PAXIP1: variants seen among roughly 807,000 people sequenced by gnomAD.
The protein encoded by PAXIP1 is PAX interacting protein 1, also known as PAX-interacting protein 1.
PAXIP1 carries 19 observed loss-of-function variants against 140.6 expected under a neutral mutation model. The ratio of observed to expected loss-of-function variants is 0.14; its 90% CI spans 0.09 to 0.20. PAXIP1 has a LOEUF of 0.20. Ranked by LOEUF, PAXIP1 falls within the 10% of genes least tolerant of loss-of-function variation. The pLI, the probability that PAXIP1 is intolerant of heterozygous loss-of-function variation, is 1.00. For synonymous variants in PAXIP1, 442 were observed against 444.6 expected (o/e 0.99, Z 0.07); for missense variants, 920 against 1,208.6 (o/e 0.76, Z 3.54).
At chr7:154,965,814 A>G (rs1247790630) in intron 8 of PAXIP1, 2 of 152,242 alleles carry the variant, frequency 1.3e-5, no homozygotes, top group South Asian at 4.1e-4. Context: ...TTCGGGAATC[A>G]AAAGTGATGT....
chr7:154,957,881 G>T (rs1157566325), intron 13 of PAXIP1, among the ~76,000 whole-genome samples: 1 of 151,064 alleles, frequency 6.6e-6, no homozygotes, highest in African/African-American at 2.4e-5. Flanking sequence ...GCAGGAGAAT[G>T]GCGTGAACCC....
At chr7:154,988,580 A>C (rs191925586) in intron 4 of PAXIP1, among the ~76,000 whole-genome samples, 16 of 152,284 alleles carry the variant, frequency 1.1e-4, no homozygotes, top group African/African-American at 3.1e-4. Flanking sequence ...GAAACCCTAT[A>C]ATCATCTTAT....
At chr7:154,999,574 G>C (rs964257233) in intron 1 of PAXIP1, among the ~76,000 whole-genome samples, 8 of 152,198 alleles carry the variant, frequency 5.3e-5, no homozygotes, top group African/African-American at 1.4e-4. Flanking sequence ...AGATGTGAGA[G>C]AATCGGCAAG....
chr7:154,977,716 G>A (rs186088572), intron 5 of PAXIP1, among the ~76,000 whole-genome samples: 6 of 151,990 alleles, frequency 3.9e-5, no homozygotes, highest in Admixed American at 3.9e-4. Flanking sequence ...ACATTTTTAG[G>A]GTATAGTTTA....
chr7:154,980,357 C>T (rs1293952977), intron 5 of PAXIP1, among the ~76,000 whole-genome samples: 8 of 151,134 alleles, frequency 5.3e-5, no homozygotes, highest in East Asian at 1.9e-4. Context: ...TTTTCGCAGC[C>T]GCTATATTGA....
chr7:154,950,682 A>G (rs1222087997), intron 16 of PAXIP1: 4 of 152,260 alleles, frequency 2.6e-5, no homozygotes, highest in Non-Finnish European at 4.4e-5. Context: ...CTGTACATGG[A>G]TGTTTTAGCA....
intron 2 of PAXIP1, among the ~76,000 whole-genome samples, chr7:154,998,071 C>A (rs575613595): frequency 2.0e-4 from 31 of 152,328 alleles, no homozygotes; most frequent in African/African-American, 7.2e-4. Context: ...ACGAGTTCTG[C>A]AGCAGGCATA....
At chr7:154,971,270 ACTG>A (rs1809308809) in intron 6 of PAXIP1, among the ~76,000 whole-genome samples, 1 of 152,198 alleles carries the variant, frequency 6.6e-6, no homozygotes, top group Admixed American at 6.5e-5. Context: ...CAGCCCATCC[ACTG>A]CTGACAGGAG....
At chr7:154,984,557 C>A (rs910147588) in intron 4 of PAXIP1, among the ~76,000 whole-genome samples, 1 of 152,186 alleles carries the variant, frequency 6.6e-6, no homozygotes, top group Non-Finnish European at 1.5e-5. Context: ...ACACACTATT[C>A]TATGAATATT....
chr7:154,983,412 G>A, intron 4 of PAXIP1, 80 bp from the exon 5 acceptor site: 1 of 682,676 alleles, frequency 1.5e-6, no homozygotes. Flanking sequence ...GTAATATACT[G>A]CAACAATTCT....
chr7:154,957,787 G>A (rs976321934), intron 13 of PAXIP1, among the ~76,000 whole-genome samples: 28 of 151,482 alleles, frequency 1.8e-4, no homozygotes, highest in Non-Finnish European at 3.8e-4. Flanking sequence ...CTAACAAGGT[G>A]AAACCCCGTC....
At chr7:154,996,124 T>A (rs1183866656) in intron 2 of PAXIP1, among the ~76,000 whole-genome samples, 1 of 152,178 alleles carries the variant, frequency 6.6e-6, no homozygotes, top group Non-Finnish European at 1.5e-5. Flanking sequence ...CCTTCAGTCA[T>A]ATGAATTCAG....
intron 1 of PAXIP1, 103 bp downstream of exon 1, chr7:155,002,746 G>A (rs1042453157): frequency 3.4e-6 from 2 of 596,742 alleles, no homozygotes; most frequent in African/African-American, 4.0e-5. Flanking sequence ...CCGACGCTCT[G>A]CGCCCGGCGC....
chr7:154,953,959 C>T (rs911499860), intron 16 of PAXIP1, among the ~76,000 whole-genome samples: 5 of 152,122 alleles, frequency 3.3e-5, no homozygotes, highest in African/African-American at 1.2e-4. Context: ...TTTGAAAAAT[C>T]TCATTTTACA....
Position 154,962,381 on chromosome 7 carries a change from C to A in PAXIP1, c.2067G>T (p.Pro689=). The change falls in exon 10 of 21, where the codon CCG becomes CCT. Residue 689 remains proline, a synonymous_variant. Transcript: ENST00000404141. ...CCACTGGGAAGTGAAGGGCTCGGTG[C>A]GGCGGTACCATTTTCTTCTTCTTTA... The part of the protein sequence containing the change: ...TVLKKKKMVP[P]HRALHFPVAF... The A allele has an allele frequency of 4.3e-6, 7 of 1,610,670 alleles. No individual in the cohort carries two copies. The South Asian group carries it at 7.7e-5, about 18-fold the overall frequency.
At chr7:154,993,137 C>A (rs1290130083) in intron 3 of PAXIP1, among the ~76,000 whole-genome samples, 1 of 152,136 alleles carries the variant, frequency 6.6e-6, no homozygotes, top group Non-Finnish European at 1.5e-5. Flanking sequence ...AAACAGGAGG[C>A]CTGTAGAACG....
chr7:154,955,662 G>T, intron 14 of PAXIP1, 31 bp from the exon 15 acceptor site: 1 of 1,184,530 alleles, frequency 8.4e-7, no homozygotes, highest in Non-Finnish European at 1.2e-6. Flanking sequence ...AAATAGTAGT[G>T]ATTTCATATT....
At position 154,963,681 on chromosome 7, in the gene PAXIP1, G is replaced by A. The variant is rs761627398; in HGVS notation, c.1979C>T (p.Ala660Val). ...GGCTATTTTCCTTACCTGTGCATACGCGCTGCTGACTTGACTCTCACAGAG... is the reference window on the plus strand; with the variant it reads ...GGCTATTTTCCTTACCTGTGCATACACGCTGCTGACTTGACTCTCACAGAG... ...HLLCESQVSS[A>V]YAQAIRERKR... Residue 660 changes from alanine (A) to valine (V), a missense_variant, in exon 9 of 21, where the codon GCG (alanine) becomes GTG (valine). Ala to Val is a moderately conservative substitution (Grantham distance 64, BLOSUM62 0). Around this residue, in one of 5 missense-constraint regions of PAXIP1, gnomAD observed 303 missense variants for 517.9 expected, o/e 0.59. Transcript: ENST00000404141. This position sits in a 1 kb window ranked among gnomAD's most constrained non-coding sequence, Gnocchi z 4.1. The A allele has an allele frequency of 8.7e-6, 14 of 1,612,140 alleles. No homozygotes were observed. Among genetic ancestry groups the A allele is most frequent in the South Asian group, 5.5e-5 (5 of 90,766 alleles).
rs1249680811 is a variant in PAXIP1 at position 154,986,386 on chromosome 7, C to G, written c.325-3054G>C. 6.6e-6 allele frequency among the ~76,000 whole-genome samples: 1 copy of G among 152,178 alleles called. No homozygotes were observed. Among genetic ancestry groups the G allele is most frequent in the African/African-American group, 2.4e-5 (1 of 41,432 alleles). On this transcript the variant is annotated intron_variant, in intron 4 of 20. Coordinates refer to ENST00000404141, the MANE Select transcript of PAXIP1 (RefSeq NM_007349.4). This position sits in a 1 kb window ranked among gnomAD's most constrained non-coding sequence, Gnocchi z 4.8. ...CTCCTGCTTCTGTACCTGGTGCCCA[C>G]TTTCATTTTTGCATATGTTGCAACA...
Sources: allele counts gnomAD v4.1 joint callset (sites outside exome capture counted in the v4.1 genomes callset), GRCh38; gene constraint gnomAD v4.1.1; regional missense constraint gnomAD v4.1.1; non-coding constraint Gnocchi (gnomAD v3.1); transcripts MANE v1.5; gene names NCBI Gene and HGNC (gene_info 2026-07-23, HGNC 2026-07-21).